The following DTX1 variants were observed in gnomAD, a reference collection of about 807,000 sequenced individuals.
The protein encoded by DTX1 is E3 ubiquitin-protein ligase DTX1.
Under a neutral mutation model 57.8 loss-of-function variants are expected in DTX1, and 26 were observed. The ratio of observed to expected loss-of-function variants is 0.45; its 90% CI spans 0.33 to 0.62. The LOEUF is 0.62. Ranked by LOEUF, DTX1 falls within the 20% of genes least tolerant of loss-of-function variation. The pLI, the probability that DTX1 is intolerant of heterozygous loss-of-function variation, is 0.02. For missense variants in DTX1, 704 were observed against 895.3 expected, an observed-to-expected ratio of 0.79 and a Z score of 2.73; for synonymous variants, 398 against 394.1, an observed-to-expected ratio of 1.01 and a Z score of -0.12.
chr12:113,086,992 TG>T (rs2044864106), intron 3 of DTX1, among the ~76,000 whole-genome samples: 1 of 150,250 alleles, frequency 6.7e-6, no homozygotes. Context: ...TGTCTGCACG[TG>T]GCTGCCCCGG....
chr12:113,093,762 GT>G lies in DTX1; in HGVS notation c.1165+63del. The G allele has an allele frequency of 2.5e-6, 4 of 1,590,644 alleles. No homozygotes were observed. Among genetic ancestry groups the G allele is most frequent in the Non-Finnish European group, 3.4e-6 (4 of 1,165,214 alleles). ...CCCACTAAGCCTTGACCACAACTCT[GT>G]GACCCCTGGTCTCCAACTTATTCTT... On this transcript the variant is annotated intron_variant, in intron 5 of 9. Transcript: ENST00000548759. This position sits in a 1 kb window ranked among gnomAD's most constrained non-coding sequence, Gnocchi z 4.2.
At chr12:113,096,062 C>T (rs984226419) in intron 9 of DTX1, among the ~76,000 whole-genome samples, 11 of 152,076 alleles carry the variant, frequency 7.2e-5, no homozygotes, top group Admixed American at 2.6e-4. Flanking sequence ...AAAAATTATC[C>T]GGAGTGGTGG....
intron 1 of DTX1, among the ~76,000 whole-genome samples, chr12:113,057,196 C>T (rs117737558): frequency 6.6e-6 from 1 of 151,956 alleles, no homozygotes; most frequent in South Asian, 2.1e-4. Flanking sequence ...GGGCGAGGGC[C>T]CCGGGGGAAG....
At chr12:113,078,830 C>T (rs1342373495) in intron 3 of DTX1, among the ~76,000 whole-genome samples, 1 of 152,040 alleles carries the variant, frequency 6.6e-6, no homozygotes, top group Non-Finnish European at 1.5e-5. Context: ...TGAAATACCA[C>T]AATTACTCTG....
At position 113,057,850 on chromosome 12, in the gene DTX1, T is replaced by C. The variant is rs541007808; in HGVS notation, c.-343T>C. On this transcript the variant is annotated 5_prime_UTR_variant, in exon 2 of 10. Coordinates refer to ENST00000548759, the MANE Select transcript of DTX1 (RefSeq NM_004416.3). ...GACCAAGAGACAACACGGAAGAGGC[T>C]GGACCTCGAACAGGGGCGGCTGCCT... 6.8e-6 allele frequency: 2 copies of C among 295,042 alleles called. No individual in the cohort carries two copies. Among genetic ancestry groups the C allele is most frequent in the African/African-American group, 2.2e-5 (1 of 46,462 alleles). 18.3% of individuals were successfully genotyped at this position (295,042 alleles called of 1,614,324 possible).
chr12:113,060,596 T>C (rs2044658154), intron 2 of DTX1, among the ~76,000 whole-genome samples: 1 of 152,172 alleles, frequency 6.6e-6, no homozygotes, highest in South Asian at 2.1e-4. Flanking sequence ...AAGGGGAAGA[T>C]GGTGCAAGAT....
At chr12:113,068,642 G>A (rs2044720621) in intron 2 of DTX1, among the ~76,000 whole-genome samples, 1 of 152,242 alleles carries the variant, frequency 6.6e-6, no homozygotes, top group Non-Finnish European at 1.5e-5. Flanking sequence ...GGGCTTCAGA[G>A]GCTACTCTAA....
At chr12:113,058,513 G>T in intron 2 of DTX1, 62 bp downstream of exon 2, 1 of 1,533,124 alleles carries the variant, frequency 6.5e-7, no homozygotes, top group Non-Finnish European at 8.7e-7. Context: ...TGCAGCGTAG[G>T]ATGCTGAAAA....
At chr12:113,063,419 T>C (rs2044679641) in intron 2 of DTX1, among the ~76,000 whole-genome samples, 1 of 152,102 alleles carries the variant, frequency 6.6e-6, no homozygotes, top group African/African-American at 2.4e-5. Context: ...TGGACAGAGG[T>C]GTAACTCAGC....
In DTX1 at chr12:113,058,384, G is replaced by A; in HGVS notation, c.192G>A (p.Gln64=). Residue 64 remains glutamine (Q), a synonymous_variant, in exon 2 of 10, where the codon CAG becomes CAA. Coordinates refer to ENST00000548759, the MANE Select transcript of DTX1 (RefSeq NM_004416.3). ...EDARGSVVLG[Q]VDAQLVPYII... ...CTCGCGGTTCCGTGGTCCTGGGGCA[G>A]GTGGACGCCCAGCTTGTGCCCTACA... 1 of 1,610,186 alleles carries A rather than the reference G, an allele frequency of 6.2e-7. No homozygotes were observed.
Position 113,093,633 on chromosome 12 carries a change from CGACGT to C in DTX1, c.1101_1105del (p.Asp367GlufsTer19). The C allele has an allele frequency of 6.2e-7, 1 of 1,613,576 alleles. No individual in the cohort carries two copies. The highest frequency in any genetic ancestry group is 8.5e-7 in the Non-Finnish European group (1 of 1,179,872). The stretch of plus-strand genomic sequence containing the variant: ...TGCACCCGCCGCCCGTGAGCAAGAG[CGACGT>C]GAAGCCCGTGCCTGGCGTGCCCGGG... On this transcript the variant is annotated frameshift_variant, in exon 5 of 10. Coordinates refer to ENST00000548759, the MANE Select transcript of DTX1 (RefSeq NM_004416.3). LOFTEE classifies it high-confidence loss of function. The surrounding 1 kb of genome is among the most constrained non-coding windows in gnomAD (Gnocchi z 4.2).
At chr12:113,074,038 C>T (rs2044753834) in intron 2 of DTX1, among the ~76,000 whole-genome samples, 1 of 152,272 alleles carries the variant, frequency 6.6e-6, no homozygotes, top group South Asian at 2.1e-4. Context: ...CGAGACCAGC[C>T]TGGCCAACAT....
intron 6 of DTX1, 31 bp downstream of exon 6, chr12:113,094,130 G>GT: frequency 8.0e-7 from 1 of 1,247,540 alleles, no homozygotes; most frequent in Non-Finnish European, 1.1e-6. Flanking sequence ...CTGGGGGAGG[G>GT]CCCTGGCATG....
At chr12:113,069,461 C>T (rs967813852) in intron 2 of DTX1, among the ~76,000 whole-genome samples, 2 of 152,196 alleles carry the variant, frequency 1.3e-5, no homozygotes, top group Admixed American at 1.3e-4. Context: ...GTCTCCCCAC[C>T]ACCCTGGCCT....
intron 2 of DTX1, among the ~76,000 whole-genome samples, chr12:113,065,828 CAGG>C (rs141286238): frequency 0.019 from 2,853 of 152,026 alleles, 81 homozygotes; most frequent in African/African-American, 0.062. Context: ...GGGGTTGGGG[CAGG>C]ACTGGTCACA....
At chr12:113,070,108 G>C (rs1435682309) in intron 2 of DTX1, among the ~76,000 whole-genome samples, 1 of 152,156 alleles carries the variant, frequency 6.6e-6, no homozygotes, top group Non-Finnish European at 1.5e-5. Flanking sequence ...ACTGCTCCGT[G>C]CCTCTGTTTT....
At chr12:113,085,264 G>A (rs1373194086) in intron 3 of DTX1, among the ~76,000 whole-genome samples, 1 of 152,090 alleles carries the variant, frequency 6.6e-6, no homozygotes, top group Non-Finnish European at 1.5e-5. Context: ...TTGCCAGGTT[G>A]GTCTCCAACT....
intron 2 of DTX1, among the ~76,000 whole-genome samples, chr12:113,069,444 TC>T (rs1308364744): frequency 6.6e-6 from 1 of 151,938 alleles, no homozygotes; most frequent in African/African-American, 2.4e-5. Context: ...CCCCCTCTCC[TC>T]CCCTTGTCTC....
rs372819689 is a variant in DTX1 at position 113,058,390 on chromosome 12, C to T, written c.198C>T (p.Asp66=). Residue 66 remains aspartate, a synonymous_variant, in exon 2 of 10, where the codon GAC becomes GAT. Coordinates refer to ENST00000548759, the MANE Select transcript of DTX1 (RefSeq NM_004416.3). ...GTTCCGTGGTCCTGGGGCAGGTGGA[C>T]GCCCAGCTTGTGCCCTACATCATCG... ...ARGSVVLGQV[D]AQLVPYIIDL... The T allele has an allele frequency of 3.0e-5, 48 of 1,609,304 alleles. No individual in the cohort carries two copies. The African/African-American group carries it at 3.3e-4, about 11-fold the overall frequency.
Sources: allele counts gnomAD v4.1 joint callset (sites outside exome capture counted in the v4.1 genomes callset), GRCh38; gene constraint gnomAD v4.1.1; non-coding constraint Gnocchi (gnomAD v3.1); transcripts MANE v1.5; gene names NCBI Gene and HGNC (gene_info 2026-07-23, HGNC 2026-07-21).